The following SCARB1 variants were observed in gnomAD, a reference collection of about 807,000 sequenced individuals.
SCARB1 encodes the protein CD36 and LIMPII analogous 1.
SCARB1 carries 30 observed loss-of-function variants against 57.2 expected under a neutral mutation model. The observed-to-expected ratio is 0.52, with a 90% CI of 0.39 to 0.71. SCARB1 has a LOEUF of 0.71. Among genes scored for constraint, SCARB1 ranks in the 30% least tolerant of loss-of-function variants. The pLI is 0.00. For synonymous variants in SCARB1, 249 were observed against 268.3 expected (o/e 0.93, Z 0.70); for missense variants, 543 against 671.2 (o/e 0.81, Z 2.11).
chr12:124,811,124 G>A (rs1035560490), intron 5 of SCARB1, among the ~76,000 whole-genome samples: 8 of 152,198 alleles, frequency 5.3e-5, no homozygotes, highest in African/African-American at 1.2e-4. Context: ...ATTTCTCTGC[G>A]TACATATAGG....
chr12:124,837,528 GAAAA>G (rs1225930420), intron 1 of SCARB1, among the ~76,000 whole-genome samples: 1 of 81,514 alleles, frequency 1.2e-5, no homozygotes, highest in African/African-American at 6.8e-5. Flanking sequence ...AGAAAGGAAA[GAAAA>G]AGAAAGAAAA....
At chr12:124,849,581 C>T (rs1952305284) in intron 1 of SCARB1, among the ~76,000 whole-genome samples, 1 of 152,218 alleles carries the variant, frequency 6.6e-6, no homozygotes, top group Non-Finnish European at 1.5e-5. Context: ...GCCCTCCTGG[C>T]CTCCATCCAG....
At chr12:124,788,365 C>T (rs540875509) in intron 9 of SCARB1, among the ~76,000 whole-genome samples, 1 of 152,348 alleles carries the variant, frequency 6.6e-6, no homozygotes, top group Admixed American at 6.5e-5. Context: ...ACTTCAGCCT[C>T]TCTTGTGGCA....
Position 124,849,642 on chromosome 12 carries a change from TG to T in SCARB1, c.126+13952del, listed in dbSNP as rs548412597. On this transcript the variant is annotated intron_variant, in intron 1 of 12. Coordinates refer to ENST00000261693, the MANE Select transcript of SCARB1 (RefSeq NM_005505.5). The stretch of plus-strand genomic sequence containing the variant: ...CAGCACTGGCTGCTAACTATCTCCG[TG>T]GCCTTGAGTAAACCTCTGCTACCTA... 3.3e-3 allele frequency among the ~76,000 whole-genome samples: 508 copies of T among 152,342 alleles called. 5 individuals are homozygous for T. The highest frequency in any genetic ancestry group is 6.8e-3 in the Middle Eastern group (2 of 292).
chr12:124,808,607 C>T (rs1364863165), intron 6 of SCARB1, among the ~76,000 whole-genome samples: 2 of 152,190 alleles, frequency 1.3e-5, no homozygotes, highest in East Asian at 1.9e-4. Flanking sequence ...GTCACTTCCT[C>T]GGGTGGCAGC....
intron 8 of SCARB1, among the ~76,000 whole-genome samples, chr12:124,797,915 C>T (rs775867361): frequency 6.6e-6 from 1 of 152,214 alleles, no homozygotes; most frequent in Non-Finnish European, 1.5e-5. Flanking sequence ...CCTCAGACAA[C>T]GAAAACCAGA....
rs149042131 is a variant in SCARB1 at position 124,823,687 on chromosome 12, C to G, written c.127-5980G>C. The stretch of plus-strand genomic sequence containing the variant: ...AAAACAACACGTACAAGAATGTGCA[C>G]AGCAGCACTGTTCGCAATGGGCGAA... On this transcript the variant is annotated intron_variant, in intron 1 of 12. Coordinates refer to ENST00000261693, the MANE Select transcript of SCARB1 (RefSeq NM_005505.5). Among the ~76,000 whole-genome samples the G allele has an allele frequency of 2.5e-3, 379 of 152,286 alleles. 5 individuals are homozygous for G. The highest frequency in any genetic ancestry group is 8.4e-3 in the African/African-American group (350 of 41,542).
At chr12:124,848,706 G>C (rs942863634) in intron 1 of SCARB1, among the ~76,000 whole-genome samples, 1 of 152,230 alleles carries the variant, frequency 6.6e-6, no homozygotes, top group African/African-American at 2.4e-5. Context: ...TGCCTCCCTC[G>C]TGAGAACGGC....
chr12:124,783,177 T>A, intron 11 of SCARB1: 1 of 230,142 alleles, frequency 4.3e-6, no homozygotes, highest in South Asian at 6.8e-5. Context: ...GTTAAAATAC[T>A]TTTGATTTAT....
chr12:124,849,671 G>A (rs1482368523), intron 1 of SCARB1, among the ~76,000 whole-genome samples: 1 of 152,226 alleles, frequency 6.6e-6, no homozygotes, highest in Non-Finnish European at 1.5e-5. Context: ...GCTACCTACA[G>A]AATTTGGTTT....
At chr12:124,846,878 A>G (rs1277402913) in intron 1 of SCARB1, among the ~76,000 whole-genome samples, 1 of 152,174 alleles carries the variant, frequency 6.6e-6, no homozygotes. Context: ...CAAATACCAT[A>G]TGAAGTAACA....
intron 1 of SCARB1, among the ~76,000 whole-genome samples, chr12:124,856,057 G>A (rs975051849): frequency 6.6e-6 from 1 of 152,240 alleles, no homozygotes; most frequent in Admixed American, 6.5e-5. Context: ...TCCCGGCGGA[G>A]GCACAGCAAG....
intron 9 of SCARB1, among the ~76,000 whole-genome samples, chr12:124,794,669 G>A (rs1411580324): frequency 1.3e-5 from 2 of 152,172 alleles, no homozygotes; most frequent in South Asian, 2.1e-4. Flanking sequence ...GGTGGCTCAC[G>A]CCTGCAATCC....
Position 124,817,537 on chromosome 12 carries a change from G to T in SCARB1, c.284+13C>A, listed in dbSNP as rs1204716938. On this transcript the variant is annotated intron_variant, in intron 2 of 12. Coordinates refer to ENST00000261693, the MANE Select transcript of SCARB1 (RefSeq NM_005505.5). The surrounding 1 kb of genome is among the most constrained non-coding windows in gnomAD (Gnocchi z 4.8). ...CAGCCGGCCCCTCCACCCTCACCTG[G>T]ACACAGCCTCACCTGTACACGTAGG... The T allele has an allele frequency of 5.6e-6, 9 of 1,613,008 alleles. No homozygotes were observed. In the African/African-American group the frequency reaches 1.2e-4, roughly 22 times the overall value.
intron 1 of SCARB1, among the ~76,000 whole-genome samples, chr12:124,840,906 C>T (rs1951880281): frequency 6.6e-6 from 1 of 152,208 alleles, no homozygotes; most frequent in African/African-American, 2.4e-5. Flanking sequence ...TGGTGGCTCA[C>T]ACCTGTAATC....
intron 9 of SCARB1, among the ~76,000 whole-genome samples, chr12:124,791,326 C>T (rs960008878): frequency 5.9e-5 from 9 of 152,178 alleles, no homozygotes; most frequent in Non-Finnish European, 1.0e-4. Context: ...GTCGAGCCTG[C>T]GGTGGCCTTG....
rs1031711161 is a variant in SCARB1 at position 124,810,448 on chromosome 12, G to A, written c.727-159C>T. Reference sequence around the variant, plus strand: ...AGGGCAGGCTATGTAGACACACAGAGAGAATGCCTACCACAGCTTCCCCCT... The same window carrying A: ...AGGGCAGGCTATGTAGACACACAGAAAGAATGCCTACCACAGCTTCCCCCT... On this transcript the variant is annotated intron_variant, in intron 5 of 12. Coordinates refer to ENST00000261693, the MANE Select transcript of SCARB1 (RefSeq NM_005505.5). This position sits in a 1 kb window ranked among gnomAD's most constrained non-coding sequence, Gnocchi z 4.0. Among the ~76,000 whole-genome samples, 1 of 152,158 alleles carries A rather than the reference G, an allele frequency of 6.6e-6. No homozygotes were observed. Among genetic ancestry groups the A allele is most frequent in the Non-Finnish European group, 1.5e-5 (1 of 68,022 alleles).
chr12:124,828,513 A>G (rs4765178), intron 1 of SCARB1, among the ~76,000 whole-genome samples: 99,801 of 151,882 alleles, frequency 0.66, 33,631 homozygotes, highest in African/African-American at 0.81. Flanking sequence ...CCAGGGGAGC[A>G]GAATCGTCTG....
At chr12:124,847,534 G>A (rs2135813018) in intron 1 of SCARB1, among the ~76,000 whole-genome samples, 1 of 152,346 alleles carries the variant, frequency 6.6e-6, no homozygotes, top group South Asian at 2.1e-4. Flanking sequence ...GACCAGCCCT[G>A]AGACCCCAGG....
Sources: gnomAD v4.1 joint callset for allele counts (sites outside exome capture counted in the v4.1 genomes callset) on GRCh38, gnomAD v4.1.1 for gene constraint, Gnocchi (gnomAD v3.1) non-coding constraint, MANE v1.5 for transcripts, NCBI Gene and HGNC (gene_info 2026-07-23, HGNC 2026-07-21) for gene names.